The following MUSK variants were observed in gnomAD, a reference collection of about 807,000 sequenced individuals.
MUSK encodes muscle associated receptor tyrosine kinase.
A neutral mutation model predicts 88.7 loss-of-function variants in MUSK; 55 were observed. The ratio of observed to expected loss-of-function variants is 0.62; its 90% CI spans 0.50 to 0.78. The LOEUF (loss-of-function observed/expected upper bound fraction) is 0.78, where lower values mean the gene tolerates loss of function less well. Among genes scored for constraint, MUSK ranks in the 30% least tolerant of loss-of-function variants. The pLI, the probability that MUSK is intolerant of heterozygous loss-of-function variation, is 0.00. For missense variants in MUSK, 1,015 were observed against 1,074.3 expected (o/e 0.94, Z 0.77); for synonymous variants, 387 against 391.9 (o/e 0.99, Z 0.15).
At chr9:110,673,626 C>T (rs1334060744) in intron 1 of MUSK, among the ~76,000 whole-genome samples, 1 of 152,150 alleles carries the variant, frequency 6.6e-6, no homozygotes, top group African/African-American at 2.4e-5. Context: ...CTAAGACTCA[C>T]TTCTTTGATC....
chr9:110,764,862 A>G (rs1029196727), intron 8 of MUSK, among the ~76,000 whole-genome samples: 1 of 152,204 alleles, frequency 6.6e-6, no homozygotes, highest in Non-Finnish European at 1.5e-5. Flanking sequence ...AAGCAAAATT[A>G]AAACTAAGAT....
intron 7 of MUSK, among the ~76,000 whole-genome samples, chr9:110,750,283 C>T (rs1014974539): frequency 2.0e-5 from 3 of 152,176 alleles, no homozygotes; most frequent in Non-Finnish European, 4.4e-5. Context: ...TTCCTTCTTT[C>T]TCTTTCCCTA....
intron 3 of MUSK, among the ~76,000 whole-genome samples, chr9:110,691,195 C>G (rs1031746696): frequency 3.3e-5 from 5 of 152,094 alleles, no homozygotes; most frequent in Non-Finnish European, 7.4e-5. Context: ...CGATGACTCA[C>G]TCTTGGCCTT....
chr9:110,682,827 TA>T, intron 2 of MUSK, 27 bp downstream of exon 2: 2 of 1,576,724 alleles, frequency 1.3e-6, no homozygotes, highest in Non-Finnish European at 8.7e-7. Context: ...TTAATTTTTT[TA>T]AATTTTTGTG....
chr9:110,695,571 T>A (rs2076420948), intron 4 of MUSK, 41 bp downstream of exon 4: 1 of 1,458,292 alleles, frequency 6.9e-7, no homozygotes, highest in African/African-American at 1.4e-5. Flanking sequence ...TAAAATGTAT[T>A]TTAAAATATA....
At position 110,801,040 on chromosome 9, in the gene MUSK, C is replaced by A; in HGVS notation, c.*52C>A. On this transcript the variant is annotated 3_prime_UTR_variant, in exon 15 of 15. Coordinates refer to ENST00000374448, the MANE Select transcript of MUSK (RefSeq NM_005592.4). ...GCAGTTTCCTCTCAGACTCTGTGAG[C>A]CAGGGGAATCCTACACCAGAGGCCC... The A allele has an allele frequency of 7.1e-7, 1 of 1,416,930 alleles. No individual in the cohort carries two copies. The highest frequency in any genetic ancestry group is 9.3e-7 in the Non-Finnish European group (1 of 1,075,848). 87.8% of individuals were successfully genotyped at this position (1,416,930 alleles called of 1,614,324 possible).
intron 9 of MUSK, among the ~76,000 whole-genome samples, chr9:110,769,813 C>T (rs571632584): frequency 3.9e-5 from 6 of 152,190 alleles, no homozygotes; most frequent in South Asian, 2.1e-4. Flanking sequence ...GTGGTGGCCA[C>T]GGGATAGTTA....
At chr9:110,762,962 G>C (rs2131935139) in intron 8 of MUSK, among the ~76,000 whole-genome samples, 1 of 152,076 alleles carries the variant, frequency 6.6e-6, no homozygotes, top group East Asian at 1.9e-4. Flanking sequence ...ACTGAGAATA[G>C]ATTTTAAGTG....
chr9:110,739,496 G>A (rs1003949228), intron 6 of MUSK, among the ~76,000 whole-genome samples: 11 of 152,116 alleles, frequency 7.2e-5, no homozygotes, highest in African/African-American at 2.4e-4. Context: ...ATACAACGTG[G>A]CCTAGGATTC....
intron 5 of MUSK, among the ~76,000 whole-genome samples, chr9:110,716,588 G>C (rs1466220750): frequency 6.7e-6 from 1 of 149,796 alleles, no homozygotes; most frequent in African/African-American, 2.5e-5. Context: ...ATAGGCAACT[G>C]TTATGTTTGT....
At chr9:110,790,424 A>C (rs1286633831) in intron 14 of MUSK, among the ~76,000 whole-genome samples, 1 of 152,248 alleles carries the variant, frequency 6.6e-6, no homozygotes, top group Non-Finnish European at 1.5e-5. Flanking sequence ...AAGTAATAGC[A>C]CATTTGTAAA....
intron 4 of MUSK, among the ~76,000 whole-genome samples, chr9:110,696,041 A>G (rs1259584189): frequency 6.6e-6 from 1 of 152,140 alleles, no homozygotes; most frequent in Admixed American, 6.6e-5. Context: ...TAATTCCAGC[A>G]CTTCAGGATG....
chr9:110,713,939 T>C (rs1199884378), intron 5 of MUSK, among the ~76,000 whole-genome samples: 2 of 152,122 alleles, frequency 1.3e-5, no homozygotes, highest in Non-Finnish European at 2.9e-5. Context: ...TTAGGGGAAG[T>C]TGGGTGAACA....
At chr9:110,700,323 A>C (rs769480489) in intron 5 of MUSK, among the ~76,000 whole-genome samples, 48 of 152,308 alleles carry the variant, frequency 3.2e-4, no homozygotes, top group Admixed American at 4.6e-4. Context: ...GCTAACTTAC[A>C]CAAGGCTGCA....
At chr9:110,703,387 G>A (rs955169775) in intron 5 of MUSK, among the ~76,000 whole-genome samples, 20 of 151,710 alleles carry the variant, frequency 1.3e-4, no homozygotes, top group South Asian at 6.2e-4. Context: ...AAAATTAGCC[G>A]GGCGTGGTGG....
intron 14 of MUSK, 31 bp downstream of exon 14, chr9:110,787,869 C>T (rs777404793): frequency 5.7e-6 from 9 of 1,589,210 alleles, no homozygotes; most frequent in South Asian, 1.1e-5. Context: ...ATATGTATTT[C>T]ATCAGAAAAC....
At chr9:110,703,971 T>C (rs1307649572) in intron 5 of MUSK, among the ~76,000 whole-genome samples, 1 of 152,172 alleles carries the variant, frequency 6.6e-6, no homozygotes, top group Non-Finnish European at 1.5e-5. Flanking sequence ...GACAAAGAGA[T>C]TATCTTAAAA....
At chr9:110,702,698 A>G (rs1294382657) in intron 5 of MUSK, among the ~76,000 whole-genome samples, 1 of 151,864 alleles carries the variant, frequency 6.6e-6, no homozygotes, top group Non-Finnish European at 1.5e-5. Context: ...CTGGAGACCA[A>G]CCTGGGCGAC....
intron 14 of MUSK, among the ~76,000 whole-genome samples, chr9:110,799,477 T>C (rs1394221670): frequency 6.6e-6 from 1 of 152,254 alleles, no homozygotes; most frequent in Non-Finnish European, 1.5e-5. Context: ...GCAACTTAAA[T>C]ACTTCATCTA....
Sources: gnomAD v4.1 joint callset for allele counts (sites outside exome capture counted in the v4.1 genomes callset) on GRCh38, gnomAD v4.1.1 for gene constraint, MANE v1.5 for transcripts, NCBI Gene and HGNC (gene_info 2026-07-23, HGNC 2026-07-21) for gene names.